Variants in PTPRD observed in about 807,000 individuals in gnomAD.
PTPRD encodes protein tyrosine phosphatase receptor type D.
PTPRD carries 34 observed loss-of-function variants against 214.5 expected under a neutral mutation model. The ratio of observed to expected loss-of-function variants is 0.16; its 90% confidence interval spans 0.12 to 0.21. PTPRD has a LOEUF of 0.21. Ranked by LOEUF, PTPRD falls within the 10% of genes least tolerant of loss-of-function variation. The pLI is 1.00. For synonymous variants in PTPRD, 1,128 were observed against 845.7 expected, an observed-to-expected ratio of 1.33 and a Z score of -5.79; for missense variants, 2,545 against 2,398.7, an observed-to-expected ratio of 1.06 and a Z score of -1.27.
At chr9:8,978,524 C>G (rs987783416) in intron 11 of PTPRD, among the ~76,000 whole-genome samples, 3 of 152,082 alleles carry the variant, frequency 2.0e-5, no homozygotes, top group African/African-American at 7.2e-5. Flanking sequence ...GAAAGGCGCC[C>G]TCTTTAGGCA....
chr9:9,227,182 C>A (rs17604424), intron 9 of PTPRD, among the ~76,000 whole-genome samples: 1 of 151,932 alleles, frequency 6.6e-6, no homozygotes, highest in Non-Finnish European at 1.5e-5. Context: ...AGTACAATCA[C>A]GGTCATATGT....
chr9:9,992,803 G>A (rs1334467480), intron 4 of PTPRD, among the ~76,000 whole-genome samples: 1 of 151,698 alleles, frequency 6.6e-6, no homozygotes, highest in East Asian at 1.9e-4. Flanking sequence ...CCTGCTGGGG[G>A]ATGGGGAGAG....
intron 11 of PTPRD, among the ~76,000 whole-genome samples, chr9:8,775,043 A>G (rs909660844): frequency 6.6e-6 from 1 of 152,146 alleles, no homozygotes; most frequent in Non-Finnish European, 1.5e-5. Flanking sequence ...ATAATAACCC[A>G]CAAGTCTCCA....
intron 11 of PTPRD, among the ~76,000 whole-genome samples, chr9:8,878,288 T>C (rs2098412320): frequency 1.3e-5 from 2 of 151,976 alleles, no homozygotes; most frequent in African/African-American, 2.4e-5. Flanking sequence ...GCACAGACAA[T>C]ACTTGGAGGG....
rs141473489 is a variant in PTPRD, at chr9:9,556,946, A to AGATG, written c.-237+17782_-237+17785dup. ...TAGAAAAGAGTAAAGATTTCAACTG[A>AGATG]GATGGACATGGTGGTTCTGTTTGTT... is the stretch of plus-strand genomic sequence containing the variant. On this transcript the variant is annotated intron_variant, in intron 8 of 45. Transcript: ENST00000381196. Among the ~76,000 whole-genome samples, 54 of 152,314 alleles carry AGATG rather than the reference A, an allele frequency of 3.5e-4. 1 individual carries two copies. The East Asian group carries it at 7.0e-3, about 20-fold the overall frequency.
At chr9:9,734,226 T>C (rs749903098) in intron 7 of PTPRD, among the ~76,000 whole-genome samples, 15 of 152,148 alleles carry the variant, frequency 9.9e-5, no homozygotes, top group Non-Finnish European at 1.9e-4. Context: ...CGCATAATCC[T>C]CTGTCCTATC....
intron 11 of PTPRD, among the ~76,000 whole-genome samples, chr9:8,768,504 G>T (rs2094939627): frequency 6.6e-6 from 1 of 152,136 alleles, no homozygotes; most frequent in Admixed American, 6.5e-5. Context: ...AGTGAGCACA[G>T]ATTGAACCAC....
intron 11 of PTPRD, among the ~76,000 whole-genome samples, chr9:8,851,403 C>T (rs758484992): frequency 1.3e-5 from 2 of 152,116 alleles, no homozygotes; most frequent in Non-Finnish European, 2.9e-5. Context: ...CTAAGATAAA[C>T]AACATACCGT....
chr9:9,027,425 A>T (rs1251897280), intron 10 of PTPRD, among the ~76,000 whole-genome samples: 2 of 152,102 alleles, frequency 1.3e-5, no homozygotes, highest in East Asian at 3.9e-4. Flanking sequence ...GTTTCTAAAA[A>T]TACTGATTGA....
chr9:9,309,936 T>A (rs940145564), intron 9 of PTPRD, among the ~76,000 whole-genome samples: 3 of 152,148 alleles, frequency 2.0e-5, no homozygotes, highest in East Asian at 1.9e-4. Flanking sequence ...TTCCTCCTTA[T>A]AATGGTGTGA....
intron 4 of PTPRD, among the ~76,000 whole-genome samples, chr9:10,002,331 AAT>A (rs3051049): frequency 0.011 from 1,608 of 144,412 alleles, 27 homozygotes; most frequent in African/African-American, 0.036. Context: ...TTTAAATATA[AAT>A]ATATATATAT....
chr9:8,492,770 T>G, intron 27 of PTPRD, 92 bp downstream of exon 27: 1 of 842,356 alleles, frequency 1.2e-6, no homozygotes, highest in East Asian at 2.6e-5. Flanking sequence ...TTCCTCTGAT[T>G]TTACTATAAT....
chr9:10,127,069 A>G (rs1469386598), intron 3 of PTPRD, among the ~76,000 whole-genome samples: 1 of 151,942 alleles, frequency 6.6e-6, no homozygotes, highest in Admixed American at 6.6e-5. Flanking sequence ...AAATTCATTC[A>G]AACAGTGCAC....
intron 3 of PTPRD, among the ~76,000 whole-genome samples, chr9:10,136,468 G>A (rs116372586): frequency 0.013 from 2,047 of 152,128 alleles, 47 homozygotes; most frequent in African/African-American, 0.047. Flanking sequence ...TCTAAGATCA[G>A]TCACAGGCTT....
chr9:10,539,369 G>C (rs1037911733), intron 2 of PTPRD, among the ~76,000 whole-genome samples: 3 of 152,078 alleles, frequency 2.0e-5, no homozygotes, highest in African/African-American at 7.2e-5. Context: ...ATTTTTAGTA[G>C]AGACGGTTTT....
chr9:10,497,734 G>C (rs537445913), intron 2 of PTPRD, among the ~76,000 whole-genome samples: 2 of 151,988 alleles, frequency 1.3e-5, no homozygotes, highest in South Asian at 4.2e-4. Context: ...AATAATGTGT[G>C]TATATACTTA....
intron 8 of PTPRD, among the ~76,000 whole-genome samples, chr9:9,564,894 T>TTTTTTTTG (rs1569569317): frequency 1.5e-5 from 2 of 133,900 alleles, no homozygotes; most frequent in African/African-American, 5.9e-5. Context: ...GTTTTTTTTT[T>TTTTTTTTG]TTTTTTTTTT....
intron 5 of PTPRD, chr9:9,799,650 G>T (rs1046906962): frequency 1.3e-5 from 2 of 152,072 alleles, no homozygotes; most frequent in African/African-American, 4.8e-5. Flanking sequence ...ACAAGAGACC[G>T]AACTGTCTCT....
At chr9:9,949,247 T>C (rs1238551290) in intron 4 of PTPRD, among the ~76,000 whole-genome samples, 2 of 152,136 alleles carry the variant, frequency 1.3e-5, no homozygotes, top group African/African-American at 4.8e-5. Context: ...AGCCATTTTC[T>C]AAACACTTTT....
Sources: gnomAD v4.1 joint callset for allele counts (sites outside exome capture counted in the v4.1 genomes callset) on GRCh38, gnomAD v4.1.1 for gene constraint, MANE v1.5 for transcripts, NCBI Gene and HGNC (gene_info 2026-07-23, HGNC 2026-07-21) for gene names.